Variants in NPTN observed in about 807,000 individuals in gnomAD.
NPTN encodes the protein neuroplastin, also known as SDR-1.
NPTN carries 5 observed loss-of-function variants against 42.7 expected under a neutral mutation model. The observed-to-expected ratio is 0.12, with a 90% CI of 0.06 to 0.25. The LOEUF (loss-of-function observed/expected upper bound fraction) is 0.25, where lower values mean the gene tolerates loss of function less well. NPTN is among the 10% of genes least tolerant of loss of function. The pLI is 1.00. For missense variants in NPTN, 307 were observed against 525.4 expected, an observed-to-expected ratio of 0.58 and a Z score of 4.06; for synonymous variants, 180 against 201.9, an observed-to-expected ratio of 0.89 and a Z score of 0.92.
chr15:73,594,067 G>C (rs1206370301), intron 2 of NPTN, among the ~76,000 whole-genome samples: 1 of 152,050 alleles, frequency 6.6e-6, no homozygotes, highest in African/African-American at 2.4e-5. Context: ...GAAAAAGATA[G>C]AACCAGTACT....
In NPTN at chr15:73,573,521, C is replaced by G. The variant is rs1895523716; in HGVS notation, c.840+141G>C. 4.4e-6 allele frequency: 4 copies of G among 898,910 alleles called. No individual in the cohort carries two copies. The South Asian group carries it at 6.2e-5, about 14-fold the overall frequency. 55.7% of individuals were successfully genotyped at this position (898,910 alleles called of 1,614,324 possible). A position where few individuals can be genotyped will look rare whatever the true frequency, so the allele number is the denominator to read the frequency against. Reference sequence around the variant, plus strand: ...ACTGTCAATGACCTCTTGATTCATGCTGTAAACCGTGACTCTAGAAAGGGT... The same window carrying G: ...ACTGTCAATGACCTCTTGATTCATGGTGTAAACCGTGACTCTAGAAAGGGT... On this transcript the variant is annotated intron_variant, in intron 5 of 8. Coordinates refer to ENST00000345330, the MANE Select transcript of NPTN (RefSeq NM_012428.4).
chr15:73,595,115 A>T (rs566208658), intron 2 of NPTN, among the ~76,000 whole-genome samples: 1 of 152,206 alleles, frequency 6.6e-6, no homozygotes, highest in Admixed American at 6.5e-5. Context: ...GGGGAATGCT[A>T]TGTATTCTCG....
chr15:73,590,607 CA>C lies in NPTN; in HGVS notation c.611+1358del, dbSNP rs1246356308. Among the ~76,000 whole-genome samples, 599 of 94,962 alleles carry C rather than the reference CA, an allele frequency of 6.3e-3. 1 individual carries two copies. The highest frequency in any genetic ancestry group is 0.018 in the Middle Eastern group (3 of 170). The allele number at this position is 94,962 out of a possible 152,430, so 62.3% of individuals were successfully genotyped here. ...CGAAACCCAGTCTCTACAAAAAATA[CA>C]AAAAAAAAAAAAAAAAATTACCCGG... is the stretch of plus-strand genomic sequence containing the variant. On this transcript the variant is annotated intron_variant, in intron 3 of 8. Transcript: ENST00000345330.
rs950942616 is a variant in NPTN at position 73,597,441 on chromosome 15, T to C, written c.92-72A>G. On this transcript the variant is annotated intron_variant, in intron 1 of 8. Coordinates refer to ENST00000345330, the MANE Select transcript of NPTN (RefSeq NM_012428.4). This position sits in a 1 kb window ranked among gnomAD's most constrained non-coding sequence, Gnocchi z 6.3. ...AAAAAAAAGAATCAACAGGTGTTAA[T>C]AGTAATTTAAAGAAAAGAAAAGAAA... 19 of 1,158,788 alleles carry C rather than the reference T, an allele frequency of 1.6e-5. No homozygotes were observed. Among genetic ancestry groups the C allele is most frequent in the African/African-American group, 1.3e-4 (8 of 62,956 alleles). The allele number at this position is 1,158,788 out of a possible 1,614,324, so 71.8% of individuals were successfully genotyped here. A position where few individuals can be genotyped will look rare whatever the true frequency, so the allele number is the denominator to read the frequency against.
chr15:73,597,161 C>T lies in NPTN; in HGVS notation c.300G>A (p.Val100=), dbSNP rs1159681540. ...NTAYGSNGVS[V]LRITRLTLED... is the part of the protein sequence containing the mutation. ...CCAAGGTGAGCCGGGTTATTCTCAG[C>T]ACACTCACGCCGTTTGACCCGTAGG... Residue 100 remains valine, a synonymous_variant, in exon 2 of 9, where the codon GTG becomes GTA. Coordinates refer to ENST00000345330, the MANE Select transcript of NPTN (RefSeq NM_012428.4). The surrounding 1 kb of genome is among the most constrained non-coding windows in gnomAD (Gnocchi z 6.3). 3 of 1,614,204 alleles carry T rather than the reference C, an allele frequency of 1.9e-6. No homozygotes were observed. In the Admixed American group the frequency reaches 5.0e-5, roughly 27 times the overall value.
chr15:73,560,656 T>TATC lies in NPTN; in HGVS notation c.*404_*406dup, dbSNP rs1300732581. On this transcript the variant is annotated 3_prime_UTR_variant, in exon 9 of 9. Transcript: ENST00000345330. Reference sequence around the variant, plus strand: ...TATATATATATTTATATACTGTATATATCTGTAGGTTTTGCTGTACTTTAC... The same window carrying TATC: ...TATATATATATTTATATACTGTATATATCATCTGTAGGTTTTGCTGTACTTTAC... 1 of 150,308 alleles carries TATC rather than the reference T, an allele frequency of 6.7e-6. No individual in the cohort carries two copies. Among genetic ancestry groups the TATC allele is most frequent in the Non-Finnish European group, 1.5e-5 (1 of 67,674 alleles). 9.3% of individuals were successfully genotyped at this position (150,308 alleles called of 1,614,324 possible).
intron 2 of NPTN, among the ~76,000 whole-genome samples, chr15:73,594,437 A>C (rs1896739285): frequency 6.6e-6 from 1 of 152,234 alleles, no homozygotes; most frequent in South Asian, 2.1e-4. Flanking sequence ...GATCCAGGAG[A>C]GAGTCACTGG....
chr15:73,589,711 A>G (rs1453649679), intron 3 of NPTN, among the ~76,000 whole-genome samples: 1 of 152,090 alleles, frequency 6.6e-6, no homozygotes, highest in Non-Finnish European at 1.5e-5. Context: ...GCTCATTCCA[A>G]AAAGGAAACA....
chr15:73,574,693 G>A lies in NPTN; in HGVS notation c.707-898C>T, dbSNP rs118076475. Among the ~76,000 whole-genome samples, 179 of 152,232 alleles carry A rather than the reference G, an allele frequency of 1.2e-3. No homozygotes were observed. The East Asian group carries it at 0.026, about 22-fold the overall frequency. On this transcript the variant is annotated intron_variant, in intron 4 of 8. Transcript: ENST00000345330. ...CTCCCAAAGTGCTGGGATTACAGGTGTTTGCATCTGCACCTGGCCCTAAGA... is the reference window on the plus strand; with the variant it reads ...CTCCCAAAGTGCTGGGATTACAGGTATTTGCATCTGCACCTGGCCCTAAGA...
chr15:73,597,399 A>T lies in NPTN; in HGVS notation c.92-30T>A. The T allele has an allele frequency of 6.6e-7, 1 of 1,514,712 alleles. No homozygotes were observed. Among genetic ancestry groups the T allele is most frequent in the Non-Finnish European group, 9.1e-7 (1 of 1,104,374 alleles). The allele number at this position is 1,514,712 out of a possible 1,614,324, so 93.8% of individuals were successfully genotyped here. A position where few individuals can be genotyped will look rare whatever the true frequency, so the allele number is the denominator to read the frequency against. On this transcript the variant is annotated intron_variant, in intron 1 of 8. Coordinates refer to ENST00000345330, the MANE Select transcript of NPTN (RefSeq NM_012428.4). This position sits in a 1 kb window ranked among gnomAD's most constrained non-coding sequence, Gnocchi z 6.3. ...AGGGAGGGGGAGCAGGAATGCAGTGACAGGCCAATCAGAAAAAAAAAAAAG... is the reference window on the plus strand; with the variant it reads ...AGGGAGGGGGAGCAGGAATGCAGTGTCAGGCCAATCAGAAAAAAAAAAAAG...
At chr15:73,595,319 G>A (rs1896783667) in intron 2 of NPTN, among the ~76,000 whole-genome samples, 1 of 152,230 alleles carries the variant, frequency 6.6e-6, no homozygotes, top group Middle Eastern at 3.4e-3. Flanking sequence ...GGCAGGAGAA[G>A]GAGGCGTGCA....
At chr15:73,562,883 T>C (rs558831157) in intron 7 of NPTN, among the ~76,000 whole-genome samples, 2 of 152,242 alleles carry the variant, frequency 1.3e-5, no homozygotes, top group South Asian at 4.1e-4. Context: ...GTATTCCTCA[T>C]CTGAAATGCT....
rs771348937 is a variant in NPTN, at chr15:73,592,034, G to A, written c.543C>T (p.Tyr181=). 2.5e-6 allele frequency: 4 copies of A among 1,614,002 alleles called. No homozygotes were observed. In the African/African-American group the frequency reaches 5.3e-5, roughly 22 times the overall value. ...NLTSSSHTLT[Y]SYWTKNGVEL... ...CCACCCCATTCTTTGTCCAGTAGCTGTATGTAAGGGTGTGAGAGCTGGAGG... is the reference window on the plus strand; with the variant it reads ...CCACCCCATTCTTTGTCCAGTAGCTATATGTAAGGGTGTGAGAGCTGGAGG... The change falls in exon 3 of 9, where the codon TAC becomes TAT. Residue 181 remains tyrosine, a synonymous_variant. Transcript: ENST00000345330.
intron 4 of NPTN, among the ~76,000 whole-genome samples, chr15:73,579,678 C>G (rs796198848): frequency 3.9e-5 from 6 of 152,180 alleles, no homozygotes; most frequent in African/African-American, 1.4e-4. Context: ...AGGAGAACAC[C>G]ACTTCCCCTC....
chr15:73,593,093 C>A (rs1234770204), intron 2 of NPTN, among the ~76,000 whole-genome samples: 3 of 152,156 alleles, frequency 2.0e-5, no homozygotes, highest in Non-Finnish European at 1.5e-5. Context: ...CCTTCTGATT[C>A]TATTCTGCGC....
intron 4 of NPTN, among the ~76,000 whole-genome samples, chr15:73,582,491 C>T (rs1896100225): frequency 6.6e-6 from 1 of 152,180 alleles, no homozygotes; most frequent in African/African-American, 2.4e-5. Flanking sequence ...GTTGTGAACA[C>T]TAGAGCAGTC....
At chr15:73,581,405 G>C (rs1035275519) in intron 4 of NPTN, among the ~76,000 whole-genome samples, 1 of 152,102 alleles carries the variant, frequency 6.6e-6, no homozygotes, top group Non-Finnish European at 1.5e-5. Flanking sequence ...CAAGGGGTAG[G>C]AGCAACAAAG....
chr15:73,588,737 TC>T (rs1285182483), intron 3 of NPTN, among the ~76,000 whole-genome samples: 2 of 152,342 alleles, frequency 1.3e-5, no homozygotes, highest in African/African-American at 4.8e-5. Flanking sequence ...AATCTAAATG[TC>T]ATCCCCTTCC....
chr15:73,629,270 A>C (rs1949312825), intron 1 of NPTN, among the ~76,000 whole-genome samples: 1 of 152,232 alleles, frequency 6.6e-6, no homozygotes, highest in Non-Finnish European at 1.5e-5. Context: ...ATGTCAAGGC[A>C]AACTATTTCT....
Sources: allele counts gnomAD v4.1 joint callset (sites outside exome capture counted in the v4.1 genomes callset), GRCh38; gene constraint gnomAD v4.1.1; non-coding constraint Gnocchi (gnomAD v3.1); transcripts MANE v1.5; gene names NCBI Gene and HGNC (gene_info 2026-07-23, HGNC 2026-07-21).